Variants in AUTS2 observed in about 807,000 individuals in gnomAD.
The protein encoded by AUTS2 is autism susceptibility gene 2 protein.
A neutral mutation model predicts 112.4 loss-of-function variants in AUTS2; 17 were observed. The observed-to-expected ratio is 0.15, with a 90% CI of 0.10 to 0.23. The LOEUF is 0.23. Among genes scored for constraint, AUTS2 ranks in the 10% least tolerant of loss-of-function variants. The pLI is 1.00. For synonymous variants in AUTS2, 751 were observed against 702.7 expected (o/e 1.07, Z -1.09); for missense variants, 1,510 against 1,701.6 (o/e 0.89, Z 1.98).
intron 1 of AUTS2, among the ~76,000 whole-genome samples, chr7:69,891,573 G>T (rs886547642): frequency 6.6e-6 from 1 of 151,796 alleles, no homozygotes; most frequent in African/African-American, 2.4e-5. Flanking sequence ...CAAAGTGGTT[G>T]TGCTGTTTCA....
intron 1 of AUTS2, among the ~76,000 whole-genome samples, chr7:69,842,887 C>T (rs1445948336): frequency 6.6e-6 from 1 of 152,170 alleles, no homozygotes; most frequent in African/African-American, 2.4e-5. Context: ...TTGCCCGTCT[C>T]AGCTCAGGAC....
At chr7:69,808,986 C>A (rs1053389040) in intron 1 of AUTS2, among the ~76,000 whole-genome samples, 2 of 152,152 alleles carry the variant, frequency 1.3e-5, no homozygotes, top group Non-Finnish European at 2.9e-5. Flanking sequence ...CTCTGTGTGA[C>A]ATCATACCTA....
intron 2 of AUTS2, among the ~76,000 whole-genome samples, chr7:70,048,668 A>G (rs1801610652): frequency 6.6e-6 from 1 of 152,224 alleles, no homozygotes. Context: ...TATACCTATT[A>G]TACGTTGAAA....
intron 5 of AUTS2, among the ~76,000 whole-genome samples, chr7:70,630,928 G>A (rs537682862): frequency 1.3e-5 from 2 of 152,312 alleles, no homozygotes; most frequent in African/African-American, 2.4e-5. Flanking sequence ...GGACTTAATG[G>A]CGCAATTAAT....
intron 5 of AUTS2, among the ~76,000 whole-genome samples, chr7:70,602,368 A>G (rs1803519603): frequency 6.6e-6 from 1 of 152,210 alleles, no homozygotes; most frequent in Non-Finnish European, 1.5e-5. Flanking sequence ...CCCCTGGTAC[A>G]TTGACACCTG....
At chr7:70,043,954 T>G (rs57000704) in intron 2 of AUTS2, among the ~76,000 whole-genome samples, 6,300 of 152,112 alleles carry the variant, frequency 0.041, 320 homozygotes, top group African/African-American at 0.12. Flanking sequence ...GGTGGTGATA[T>G]GAGTTGAAGG....
At chr7:70,450,640 G>A (rs563315754) in intron 5 of AUTS2, among the ~76,000 whole-genome samples, 6 of 152,290 alleles carry the variant, frequency 3.9e-5, no homozygotes, top group East Asian at 1.9e-4. Context: ...GATCCAGATG[G>A]AAGCCACTGG....
At chr7:70,078,765 G>C (rs1803160319) in intron 2 of AUTS2, among the ~76,000 whole-genome samples, 1 of 152,230 alleles carries the variant, frequency 6.6e-6, no homozygotes, top group Non-Finnish European at 1.5e-5. Flanking sequence ...AGTAGAGAAT[G>C]AGAGAAGCAT....
chr7:70,540,063 T>C (rs1383286161), intron 5 of AUTS2, among the ~76,000 whole-genome samples: 1 of 152,188 alleles, frequency 6.6e-6, no homozygotes, highest in African/African-American at 2.4e-5. Context: ...TTTTTCTTGG[T>C]TTCACTTAGA....
intron 1 of AUTS2, among the ~76,000 whole-genome samples, chr7:69,809,161 G>A (rs914732894): frequency 1.4e-4 from 21 of 151,598 alleles, no homozygotes; most frequent in Non-Finnish European, 1.0e-4. Context: ...TGCAAGTTCC[G>A]CCTCCCAGGT....
At chr7:69,921,787 C>T (rs567645128) in intron 2 of AUTS2, among the ~76,000 whole-genome samples, 167 of 146,268 alleles carry the variant, frequency 1.1e-3, no homozygotes, top group Non-Finnish European at 2.1e-3. Flanking sequence ...AAAAAAAGGC[C>T]GGGCATGGTA....
Position 69,736,645 on chromosome 7 carries a change from AAGC to A in AUTS2, c.309+136686_309+136688del, listed in dbSNP as rs557190043. ...TAAATCATCCACTTACCCTCTCAGT[AAGC>A]AGGCTGTAAGTCAGCATGGAAGCAC... On this transcript the variant is annotated intron_variant, in intron 1 of 18. Transcript: ENST00000342771. 3.1e-4 allele frequency among the ~76,000 whole-genome samples: 47 copies of A among 152,314 alleles called. No homozygotes were observed. In the East Asian group the frequency reaches 8.9e-3, roughly 29 times the overall value.
At chr7:70,114,984 G>T (rs554873695) in intron 2 of AUTS2, among the ~76,000 whole-genome samples, 7 of 152,236 alleles carry the variant, frequency 4.6e-5, no homozygotes, top group Non-Finnish European at 7.4e-5. Context: ...GGAGGAGAAG[G>T]GGGTGGTGTA....
At chr7:70,458,149 G>C (rs1796819718) in intron 5 of AUTS2, among the ~76,000 whole-genome samples, 1 of 152,178 alleles carries the variant, frequency 6.6e-6, no homozygotes, top group Non-Finnish European at 1.5e-5. Context: ...GGAGCAGTGG[G>C]GGCCCTGGCA....
At chr7:70,003,366 A>G (rs1389531517) in intron 2 of AUTS2, among the ~76,000 whole-genome samples, 1 of 128,068 alleles carries the variant, frequency 7.8e-6, no homozygotes, top group East Asian at 2.2e-4. Context: ...ATATGAATAT[A>G]TTATATATGT....
chr7:70,778,336 A>G (rs971874950), intron 14 of AUTS2, among the ~76,000 whole-genome samples: 12 of 152,196 alleles, frequency 7.9e-5, no homozygotes, highest in Non-Finnish European at 1.6e-4. Context: ...TTTCTTCATG[A>G]ACAAGCTTTT....
At position 70,376,031 on chromosome 7, in the gene AUTS2, AAAG is replaced by A. The variant is rs553183915; in HGVS notation, c.661-59711_661-59709del. The stretch of plus-strand genomic sequence containing the variant: ...TGTTTTTTGTCGTTAAAAAAAAAAA[AAAG>A]AAGAAGAAGTGCTTGAATGAGCAAG... On this transcript the variant is annotated intron_variant, in intron 4 of 18. Transcript: ENST00000342771. 1.0e-3 allele frequency among the ~76,000 whole-genome samples: 155 copies of A among 152,178 alleles called. 1 individual carries two copies. The highest frequency in any genetic ancestry group is 3.4e-3 in the Middle Eastern group (1 of 292).
At chr7:70,632,042 T>C (rs1407385689) in intron 5 of AUTS2, among the ~76,000 whole-genome samples, 1 of 151,730 alleles carries the variant, frequency 6.6e-6, no homozygotes, top group Non-Finnish European at 1.5e-5. Context: ...GCAGGACAAA[T>C]GTGAAGTCAT....
At chr7:70,759,045 A>G (rs1789396840) in intron 6 of AUTS2, among the ~76,000 whole-genome samples, 1 of 152,230 alleles carries the variant, frequency 6.6e-6, no homozygotes. Context: ...GATTGCTTTC[A>G]GGGCTGGCTG....
Sources: gnomAD v4.1 joint callset for allele counts (sites outside exome capture counted in the v4.1 genomes callset) on GRCh38, gnomAD v4.1.1 for gene constraint, MANE v1.5 for transcripts, NCBI Gene and HGNC (gene_info 2026-07-23, HGNC 2026-07-21) for gene names.